SMAD6: variants seen among roughly 807,000 people sequenced by gnomAD.
SMAD6 encodes the protein SMAD family member 6.
Under a neutral mutation model 39.4 loss-of-function variants are expected in SMAD6, and 103 were observed. That is an observed-to-expected ratio of 2.62 (90% CI 2.23 to 3.08). The LOEUF is 3.08. Ranked by LOEUF, SMAD6 falls within the 30% of genes most tolerant of loss-of-function variation. The pLI, the probability that SMAD6 is intolerant of heterozygous loss-of-function variation, is 0.00. For missense variants in SMAD6, 1,104 were observed against 742.9 expected, an observed-to-expected ratio of 1.49 and a Z score of -5.65; for synonymous variants, 445 against 353.3, an observed-to-expected ratio of 1.26 and a Z score of -2.91.
rs1486271769 is a variant in SMAD6, at chr15:66,782,259, A to G, written c.*724A>G. The G allele has an allele frequency of 1.4e-5, 3 of 217,074 alleles. No homozygotes were observed. In the East Asian group the frequency reaches 3.1e-4, roughly 22 times the overall value. The allele number at this position is 217,074 out of a possible 1,614,324, so 13.4% of individuals were successfully genotyped here. The stretch of plus-strand genomic sequence containing the variant: ...AATACACTGGCCATTTATCCTGGAC[A>G]AGCTCTTCCAGTCTGATGGAGGAGG... On this transcript the variant is annotated 3_prime_UTR_variant, in exon 4 of 4. Transcript: ENST00000288840.
intron 3 of SMAD6, among the ~76,000 whole-genome samples, chr15:66,732,953 T>A (rs2140627253): frequency 6.6e-6 from 1 of 152,246 alleles, no homozygotes; most frequent in East Asian, 1.9e-4. Context: ...TTTTAGGTTT[T>A]ACATTTAGGT....
At chr15:66,768,325 A>C (rs908342916) in intron 3 of SMAD6, among the ~76,000 whole-genome samples, 1 of 152,094 alleles carries the variant, frequency 6.6e-6, no homozygotes, top group Admixed American at 6.6e-5. Flanking sequence ...AGGTCACCTG[A>C]TTCTGTCTAG....
At chr15:66,755,980 C>T (rs937298728) in intron 3 of SMAD6, among the ~76,000 whole-genome samples, 4 of 151,906 alleles carry the variant, frequency 2.6e-5, no homozygotes, top group Admixed American at 1.3e-4. Flanking sequence ...GAAAGGCCTC[C>T]TGGAGGAAGG....
chr15:66,748,381 A>G (rs1026453391), intron 3 of SMAD6, among the ~76,000 whole-genome samples: 4 of 152,186 alleles, frequency 2.6e-5, no homozygotes, highest in Non-Finnish European at 5.9e-5. Flanking sequence ...TTATTAATAG[A>G]GCCTAGTTAC....
intron 3 of SMAD6, among the ~76,000 whole-genome samples, chr15:66,719,198 C>G (rs1024783446): frequency 3.9e-5 from 6 of 152,190 alleles, no homozygotes; most frequent in Non-Finnish European, 5.9e-5. Context: ...TGAGCCTGGA[C>G]AGTGTGACTG....
chr15:66,753,936 G>GACCC (rs1362219581), intron 3 of SMAD6, among the ~76,000 whole-genome samples: 1 of 152,168 alleles, frequency 6.6e-6, no homozygotes, highest in Non-Finnish European at 1.5e-5. Context: ...AGTGTGCAGG[G>GACCC]TGCCTGGGAG....
rs3935284 is a variant in SMAD6 at position 66,775,828 on chromosome 15, A to G, written c.953-5169A>G. Among the ~76,000 whole-genome samples the G allele has an allele frequency of 0.015, 2,306 of 152,264 alleles. 114 individuals carry two copies. In the East Asian group the frequency reaches 0.18, roughly 12 times the overall value. Reference sequence around the variant, plus strand: ...GAGATGGCAGTACCACAGCCTAGGAACCACGAGGAGAAAAAGATCCTTCTG... The same window carrying G: ...GAGATGGCAGTACCACAGCCTAGGAGCCACGAGGAGAAAAAGATCCTTCTG... On this transcript the variant is annotated intron_variant, in intron 3 of 3. Coordinates refer to ENST00000288840, the MANE Select transcript of SMAD6 (RefSeq NM_005585.5).
chr15:66,772,970 C>T (rs1894403578), intron 3 of SMAD6, among the ~76,000 whole-genome samples: 1 of 152,178 alleles, frequency 6.6e-6, no homozygotes, highest in Non-Finnish European at 1.5e-5. Context: ...TCATGCTGCC[C>T]TCCTGTTCCC....
intron 3 of SMAD6, among the ~76,000 whole-genome samples, chr15:66,760,742 C>T (rs1040615582): frequency 2.0e-5 from 3 of 152,192 alleles, no homozygotes; most frequent in African/African-American, 4.8e-5. Context: ...CAGGGCCATC[C>T]GTGACGGCTC....
intron 3 of SMAD6, among the ~76,000 whole-genome samples, chr15:66,771,240 G>A (rs917622475): frequency 2.6e-5 from 4 of 152,142 alleles, no homozygotes; most frequent in African/African-American, 9.7e-5. Flanking sequence ...CTGGGGAAAC[G>A]GTCTATGGAG....
In SMAD6 at chr15:66,782,577, G is replaced by A. The variant is rs4776832; in HGVS notation, c.*1042G>A. 0.96 allele frequency: 146,256 copies of A among 152,326 alleles called. 70,279 individuals are homozygous for A. Among genetic ancestry groups the A allele is most frequent in the East Asian group, 1 (5,186 of 5,186 alleles). 9.4% of individuals were successfully genotyped at this position (152,326 alleles called of 1,614,324 possible). A position where few individuals can be genotyped will look rare whatever the true frequency, so the allele number is the denominator to read the frequency against. On this transcript the variant is annotated 3_prime_UTR_variant, in exon 4 of 4. Coordinates refer to ENST00000288840, the MANE Select transcript of SMAD6 (RefSeq NM_005585.5). ...GGCAGATGGTTTATTTCTACTTTGT[G>A]AAAGGGAAAAGTTGAGGTTCTGGAA...
chr15:66,703,709 G>C lies in SMAD6; in HGVS notation c.451G>C (p.Glu151Gln). 7.4e-7 allele frequency: 1 copy of C among 1,347,092 alleles called. No individual in the cohort carries two copies. The highest frequency in any genetic ancestry group is 9.7e-7 in the Non-Finnish European group (1 of 1,035,914). The allele number at this position is 1,347,092 out of a possible 1,614,324, so 83.4% of individuals were successfully genotyped here. The change falls in exon 1 of 4, where the codon GAG becomes CAG. Residue 151 changes from glutamate to glutamine, a missense_variant. By Grantham distance (29) the Glu-to-Gln change is conservative. Transcript: ENST00000288840. ...CGACCCCCTGGCCGGGGCGGCCCTG[G>C]AGCCGGCGGGCGGCGGGCGGAGTCG... ...ASDPLAGAAL[E>Q]PAGGGRSREA...
chr15:66,758,704 G>A (rs986610139), intron 3 of SMAD6, among the ~76,000 whole-genome samples: 4 of 151,434 alleles, frequency 2.6e-5, no homozygotes, highest in African/African-American at 9.7e-5. Context: ...TTCCAGCCTG[G>A]GTGACAGAGT....
At position 66,781,594 on chromosome 15, in the gene SMAD6, C is replaced by T; in HGVS notation, c.*59C>T. The T allele has an allele frequency of 7.7e-7, 1 of 1,299,660 alleles. No individual in the cohort carries two copies. Among genetic ancestry groups the T allele is most frequent in the Non-Finnish European group, 1.0e-6 (1 of 976,572 alleles). 80.5% of individuals were successfully genotyped at this position (1,299,660 alleles called of 1,614,324 possible). The stretch of plus-strand genomic sequence containing the variant: ...CGCGGCCACCGCCACCTGCCGGCCT[C>T]GAGAGGGGCCGATGCCCAGAGACAC... On this transcript the variant is annotated 3_prime_UTR_variant, in exon 4 of 4. Coordinates refer to ENST00000288840, the MANE Select transcript of SMAD6 (RefSeq NM_005585.5).
chr15:66,774,014 C>T (rs943922638), intron 3 of SMAD6, among the ~76,000 whole-genome samples: 1 of 152,056 alleles, frequency 6.6e-6, no homozygotes, highest in African/African-American at 2.4e-5. Context: ...GAGTAGGGAC[C>T]GCCTGCTCCC....
intron 3 of SMAD6, among the ~76,000 whole-genome samples, chr15:66,762,220 C>G (rs1447696721): frequency 2.0e-5 from 3 of 152,208 alleles, no homozygotes; most frequent in African/African-American, 7.2e-5. Flanking sequence ...CCTTGGACTC[C>G]CCCGTTATTT....
chr15:66,721,229 C>T (rs531260578), intron 3 of SMAD6, among the ~76,000 whole-genome samples: 2 of 152,228 alleles, frequency 1.3e-5, no homozygotes, highest in East Asian at 3.9e-4. Flanking sequence ...TGCTTACCCA[C>T]CTGCCACTCG....
intron 3 of SMAD6, among the ~76,000 whole-genome samples, chr15:66,729,329 C>T (rs538726625): frequency 1.3e-5 from 2 of 152,206 alleles, no homozygotes; most frequent in East Asian, 3.9e-4. Flanking sequence ...CTGGGAAAAA[C>T]AAAAAGGAGA....
chr15:66,719,800 G>C (rs1019718720), intron 3 of SMAD6, among the ~76,000 whole-genome samples: 34 of 152,170 alleles, frequency 2.2e-4, no homozygotes, highest in Non-Finnish European at 2.5e-4. Context: ...GCTCTCTGCC[G>C]AGTAGTTGTT....
Sources: allele counts gnomAD v4.1 joint callset (sites outside exome capture counted in the v4.1 genomes callset), GRCh38; gene constraint gnomAD v4.1.1; transcripts MANE v1.5; gene names NCBI Gene and HGNC (gene_info 2026-07-23, HGNC 2026-07-21).